ABCG1: variants seen among roughly 807,000 people sequenced by gnomAD.
ABCG1 encodes ATP binding cassette subfamily G member 1, also known as ATP-binding cassette sub-family G member 1.
In ABCG1, 29 loss-of-function variants were observed where a neutral mutation model predicts 69.2. The ratio of observed to expected loss-of-function variants is 0.42; its 90% CI spans 0.31 to 0.57. ABCG1 has a LOEUF of 0.57. ABCG1 is among the 20% of genes least tolerant of loss of function. ABCG1 has a pLI of 0.15. For missense variants in ABCG1, 718 were observed against 898.1 expected, an observed-to-expected ratio of 0.80 and a Z score of 2.56; for synonymous variants, 370 against 374.8, an observed-to-expected ratio of 0.99 and a Z score of 0.15.
At chr21:42,225,601 T>C (rs1346884315) in intron 1 of ABCG1, 70 bp from the exon 2 acceptor site, 1 of 1,572,066 alleles carries the variant, frequency 6.4e-7, no homozygotes, top group East Asian at 2.3e-5. Context: ...AGCCTCATGG[T>C]GAATCTCTTC....
chr21:42,265,394 C>T (rs1329288382), intron 2 of ABCG1, among the ~76,000 whole-genome samples: 2 of 152,168 alleles, frequency 1.3e-5, no homozygotes, highest in African/African-American at 4.8e-5. Context: ...TGAGGTCATG[C>T]TGAAGTAGGG....
At chr21:42,224,097 C>T (rs1278049638) in intron 1 of ABCG1, among the ~76,000 whole-genome samples, 1 of 152,198 alleles carries the variant, frequency 6.6e-6, no homozygotes, top group Admixed American at 6.5e-5. Context: ...GAACCCAGCG[C>T]GTTCTGTGTC....
chr21:42,285,846 G>T (rs1410278232), intron 7 of ABCG1, 34 bp from the exon 8 acceptor site: 3 of 1,490,184 alleles, frequency 2.0e-6, no homozygotes, highest in Non-Finnish European at 2.8e-6. Context: ...AGGAAGGCAG[G>T]GCTTGATCCC....
intron 2 of ABCG1, among the ~76,000 whole-genome samples, chr21:42,253,106 A>C (rs1246430063): frequency 6.6e-6 from 1 of 152,162 alleles, no homozygotes; most frequent in African/African-American, 2.4e-5. Context: ...TAAGATCCAG[A>C]TGCTAGCCTT....
At chr21:42,237,821 G>A (rs1318914378) in intron 2 of ABCG1, among the ~76,000 whole-genome samples, 1 of 152,190 alleles carries the variant, frequency 6.6e-6, no homozygotes, top group African/African-American at 2.4e-5. Flanking sequence ...TTCTTTGGCC[G>A]CACAGCACCG....
intron 2 of ABCG1, among the ~76,000 whole-genome samples, chr21:42,251,652 TG>T (rs1233307799): frequency 1.3e-5 from 2 of 151,580 alleles, no homozygotes; most frequent in African/African-American, 4.9e-5. Flanking sequence ...GCGGGGGGAA[TG>T]GGAAACGTGT....
intron 2 of ABCG1, chr21:42,259,428 C>A (rs753820187): frequency 6.5e-7 from 1 of 1,549,806 alleles, no homozygotes. Flanking sequence ...TTCAGCTCTT[C>A]AGGGAAAAAG....
intron 2 of ABCG1, among the ~76,000 whole-genome samples, chr21:42,241,570 A>C (rs915168157): frequency 4.6e-5 from 7 of 151,184 alleles, no homozygotes. Context: ...GCACCACTGC[A>C]CTCCAGCCTG....
At chr21:42,246,064 G>T (rs575358767) in intron 2 of ABCG1, among the ~76,000 whole-genome samples, 193 of 152,316 alleles carry the variant, frequency 1.3e-3, no homozygotes, top group African/African-American at 4.5e-3. Flanking sequence ...CTCTGGGCAG[G>T]TGGCAAGAGC....
At chr21:42,212,250 C>T (rs2067596231), upstream of ABCG1, among the ~76,000 whole-genome samples, 1 of 152,016 alleles carries the variant, frequency 6.6e-6, no homozygotes, top group Admixed American at 6.6e-5. Flanking sequence ...GAGACAAAGA[C>T]CTGCAGATGT....
intron 2 of ABCG1, among the ~76,000 whole-genome samples, chr21:42,233,170 A>G (rs1479328724): frequency 2.6e-5 from 4 of 152,160 alleles, no homozygotes; most frequent in Non-Finnish European, 5.9e-5. Flanking sequence ...CAAGAGTTTC[A>G]CTTCCCACTT....
At chr21:42,218,184 G>A (rs146451474), upstream of ABCG1, among the ~76,000 whole-genome samples, 369 of 152,332 alleles carry the variant, frequency 2.4e-3, 5 homozygotes, top group Middle Eastern at 6.8e-3. Context: ...GTGTGGTTGG[G>A]AGGGGGGACC....
chr21:42,241,374 G>A (rs1176612731), intron 2 of ABCG1, among the ~76,000 whole-genome samples: 1 of 152,178 alleles, frequency 6.6e-6, no homozygotes, highest in Admixed American at 6.5e-5. Flanking sequence ...GGAGGCTGAG[G>A]CGGGTGAATT....
intron 2 of ABCG1, among the ~76,000 whole-genome samples, chr21:42,269,474 A>G (rs2123723433): frequency 6.6e-6 from 1 of 152,270 alleles, no homozygotes; most frequent in South Asian, 2.1e-4. Flanking sequence ...AAGCATTGTC[A>G]TCCACAGTCC....
At position 42,219,636 on chromosome 21, in the gene ABCG1, G is replaced by T. The variant is rs1272739748; in HGVS notation, c.42+332G>T. On this transcript the variant is annotated intron_variant, in intron 1 of 14. Transcript: ENST00000398449. This position sits in a 1 kb window ranked among gnomAD's most constrained non-coding sequence, Gnocchi z 5.3. ...TGGGCGGGGGGCGTGGGGAGCTGGG[G>T]ACCCGGAGCGCACTGGGGACTGGGG... is the stretch of plus-strand genomic sequence containing the variant. Among the ~76,000 whole-genome samples, 1 of 151,946 alleles carries T rather than the reference G, an allele frequency of 6.6e-6. No individual in the cohort carries two copies. Among genetic ancestry groups the T allele is most frequent in the Non-Finnish European group, 1.5e-5 (1 of 67,968 alleles).
intron 5 of ABCG1, 111 bp from the exon 6 acceptor site, chr21:42,282,163 C>T (rs2068821692): frequency 2.1e-6 from 3 of 1,459,068 alleles, no homozygotes; most frequent in South Asian, 1.3e-5. Flanking sequence ...GTGGGCCAGG[C>T]ACGGTGTGTC....
At chr21:42,259,903 C>T in intron 2 of ABCG1, 2 of 1,452,692 alleles carry the variant, frequency 1.4e-6, no homozygotes, top group Non-Finnish European at 1.8e-6. Flanking sequence ...AGAAGGCCCC[C>T]AGGCTTGAGC....
intron 2 of ABCG1, among the ~76,000 whole-genome samples, chr21:42,233,397 C>T (rs1358340063): frequency 6.6e-6 from 1 of 152,224 alleles, no homozygotes. Context: ...TGACAAGGGA[C>T]AGCCAGCTTC....
intron 1 of ABCG1, among the ~76,000 whole-genome samples, chr21:42,222,019 C>G (rs1331460029): frequency 2.0e-5 from 3 of 152,154 alleles, no homozygotes; most frequent in Non-Finnish European, 2.9e-5. Flanking sequence ...AACAGGGTCT[C>G]TTTGGCATTC....
Sources: gnomAD v4.1 joint callset for allele counts (sites outside exome capture counted in the v4.1 genomes callset) on GRCh38, gnomAD v4.1.1 for gene constraint, Gnocchi (gnomAD v3.1) non-coding constraint, MANE v1.5 for transcripts, NCBI Gene and HGNC (gene_info 2026-07-23, HGNC 2026-07-21) for gene names.